The following ASTN2 variants were observed in gnomAD, a reference collection of about 807,000 sequenced individuals.
ASTN2 encodes the protein astrotactin 2.
ASTN2 carries 54 observed loss-of-function variants against 139.8 expected under a neutral mutation model. The observed-to-expected ratio is 0.39, with a 90% CI of 0.31 to 0.48. The LOEUF is 0.48. Among genes scored for constraint, ASTN2 ranks in the 20% least tolerant of loss-of-function variants. The probability of loss-of-function intolerance (pLI) is 0.95; values close to 1 mark genes in which losing one functional copy is unlikely to be tolerated. For synonymous variants in ASTN2, 756 were observed against 719.5 expected (o/e 1.05, Z -0.81); for missense variants, 1,565 against 1,725.1 (o/e 0.91, Z 1.64).
intron 7 of ASTN2, among the ~76,000 whole-genome samples, chr9:116,995,861 T>C (rs1346973982): frequency 6.6e-6 from 1 of 152,144 alleles, no homozygotes; most frequent in African/African-American, 2.4e-5. Context: ...TATTTTTAGA[T>C]ATAGAGTCTC....
chr9:116,437,859 C>A (rs951321289), intron 22 of ASTN2, among the ~76,000 whole-genome samples: 3 of 152,134 alleles, frequency 2.0e-5, no homozygotes, highest in African/African-American at 7.2e-5. Context: ...TAAGGCCTTG[C>A]GCTGGACAGA....
intron 3 of ASTN2, among the ~76,000 whole-genome samples, chr9:117,209,248 T>C (rs1832040569): frequency 1.3e-5 from 2 of 152,060 alleles, no homozygotes; most frequent in African/African-American, 2.4e-5. Context: ...CCATTAAGAA[T>C]ATATAAACAG....
intron 1 of ASTN2, among the ~76,000 whole-genome samples, chr9:117,408,097 C>G (rs1831050823): frequency 6.6e-6 from 1 of 152,102 alleles, no homozygotes; most frequent in African/African-American, 2.4e-5. Context: ...CAGTTGGATA[C>G]TCAGGCAGGA....
At chr9:117,089,192 G>A (rs914948860) in intron 5 of ASTN2, among the ~76,000 whole-genome samples, 1 of 152,158 alleles carries the variant, frequency 6.6e-6, no homozygotes, top group Non-Finnish European at 1.5e-5. Flanking sequence ...AAATATCCTT[G>A]TATGACAATA....
At chr9:116,590,096 G>C (rs1402056555) in intron 19 of ASTN2, among the ~76,000 whole-genome samples, 1 of 152,192 alleles carries the variant, frequency 6.6e-6, no homozygotes, top group Non-Finnish European at 1.5e-5. Context: ...AGCAGGGGCT[G>C]AGTGCTCCAT....
At chr9:116,622,788 TG>T (rs1182947701) in intron 17 of ASTN2, among the ~76,000 whole-genome samples, 1 of 152,232 alleles carries the variant, frequency 6.6e-6, no homozygotes, top group Admixed American at 6.5e-5. Flanking sequence ...GCATATAAAG[TG>T]TCTGGGCCAG....
intron 10 of ASTN2, among the ~76,000 whole-genome samples, chr9:116,895,506 G>A (rs1258083297): frequency 6.6e-6 from 1 of 152,174 alleles, no homozygotes; most frequent in Non-Finnish European, 1.5e-5. Context: ...AAGCGGTCAT[G>A]GTTTTGGCAC....
intron 6 of ASTN2, among the ~76,000 whole-genome samples, chr9:117,028,918 C>A (rs1385435096): frequency 1.3e-5 from 2 of 152,158 alleles, no homozygotes; most frequent in Non-Finnish European, 2.9e-5. Context: ...TAAGTACCAC[C>A]TTGTTCCCCT....
At position 116,729,011 on chromosome 9, in the gene ASTN2, G is replaced by C. The variant is rs3818502; in HGVS notation, c.2607C>G (p.Ser869Arg). ...CCTCACCTGCTGCGAGGGTGATGGTGCTGAGCTTCACACGGTAGAGGTTGC... is the reference window on the plus strand; with the variant it reads ...CCTCACCTGCTGCGAGGGTGATGGTCCTGAGCTTCACACGGTAGAGGTTGC... ...VRSNLYRVKLSTITLAAGFTN... is the reference protein window; with the variant it reads ...VRSNLYRVKLRTITLAAGFTN... The change falls in exon 15 of 23, where the codon AGC becomes AGG. Residue 869 changes from serine to arginine, a missense_variant. Physicochemically the swap from Ser to Arg is moderately radical, Grantham distance 110. Transcript: ENST00000313400. 3 of 1,585,310 alleles carry C rather than the reference G, an allele frequency of 1.9e-6. No individual in the cohort carries two copies. The Admixed American group carries it at 5.3e-5, about 28-fold the overall frequency.
intron 1 of ASTN2, among the ~76,000 whole-genome samples, chr9:117,344,973 G>A (rs1289576698): frequency 1.3e-5 from 2 of 152,092 alleles, no homozygotes; most frequent in Non-Finnish European, 2.9e-5. Flanking sequence ...GTACAAGAGT[G>A]GGGAACGTTT....
intron 17 of ASTN2, among the ~76,000 whole-genome samples, chr9:116,642,683 C>G (rs1857400055): frequency 1.3e-5 from 2 of 152,106 alleles, no homozygotes; most frequent in Non-Finnish European, 2.9e-5. Flanking sequence ...TCCAAAGATC[C>G]TATAAAGTCA....
At chr9:116,500,538 C>T (rs1849819403) in intron 19 of ASTN2, among the ~76,000 whole-genome samples, 1 of 152,230 alleles carries the variant, frequency 6.6e-6, no homozygotes, top group African/African-American at 2.4e-5. Flanking sequence ...TACTGTGTCC[C>T]TCCAAACATG....
At chr9:117,101,615 T>C (rs1828980413) in intron 4 of ASTN2, among the ~76,000 whole-genome samples, 1 of 152,132 alleles carries the variant, frequency 6.6e-6, no homozygotes, top group African/African-American at 2.4e-5. Context: ...GCAATATCCC[T>C]CCTACACCTC....
intron 19 of ASTN2, among the ~76,000 whole-genome samples, chr9:116,490,994 G>A (rs186940115): frequency 6.6e-6 from 1 of 152,266 alleles, no homozygotes; most frequent in Admixed American, 6.5e-5. Flanking sequence ...GAATAATTGG[G>A]ACCATGGATA....
rs1226638758 is a variant in ASTN2, at chr9:116,453,483, A to G, written c.3498-10930T>C. Reference sequence around the variant, plus strand: ...GTGGCGGGTGCCTGTAGTCCCAGCTACTTGGGAGGCTGAGGTGGAAGAATG... The same window carrying G: ...GTGGCGGGTGCCTGTAGTCCCAGCTGCTTGGGAGGCTGAGGTGGAAGAATG... On this transcript the variant is annotated intron_variant, in intron 20 of 22. Coordinates refer to ENST00000313400, the MANE Select transcript of ASTN2 (RefSeq NM_001365068.1). 2.0e-5 allele frequency among the ~76,000 whole-genome samples: 3 copies of G among 147,472 alleles called. No individual in the cohort carries two copies. The East Asian group carries it at 6.1e-4, about 30-fold the overall frequency.
At chr9:117,091,380 G>A (rs1334087) in intron 5 of ASTN2, among the ~76,000 whole-genome samples, 3,951 of 152,224 alleles carry the variant, frequency 0.026, 158 homozygotes, top group African/African-American at 0.089. Context: ...GTCTATGCTC[G>A]TGAAGTTTCC....
intron 16 of ASTN2, among the ~76,000 whole-genome samples, chr9:116,655,874 T>TTGTTGTTG (rs1491347378): frequency 9.3e-6 from 1 of 108,062 alleles, no homozygotes; most frequent in Non-Finnish European, 2.0e-5. Context: ...CTTGTGTTTT[T>TTGTTGTTG]TGTTGTTGTT....
chr9:116,501,855 T>TA (rs1034675661), intron 19 of ASTN2, among the ~76,000 whole-genome samples: 4,648 of 141,098 alleles, frequency 0.033, 200 homozygotes, highest in African/African-American at 0.11. Context: ...AGTATAATAA[T>TA]AAAAAAAAAA....
intron 19 of ASTN2, chr9:116,583,977 T>G (rs1231886295): frequency 6.6e-5 from 10 of 152,146 alleles, no homozygotes; most frequent in African/African-American, 2.4e-5. Context: ...CAAAACACTA[T>G]TTCCTATTAT....
Sources: allele counts gnomAD v4.1 joint callset (sites outside exome capture counted in the v4.1 genomes callset), GRCh38; gene constraint gnomAD v4.1.1; transcripts MANE v1.5; gene names NCBI Gene and HGNC (gene_info 2026-07-23, HGNC 2026-07-21).